The following REDIC1 variants were observed in gnomAD, a reference collection of about 807,000 sequenced individuals.
REDIC1 encodes HEI10 Interacting Protein 1.
the REDIC1 span, among the ~76,000 whole-genome samples, chr12:39,656,766 A>C: frequency 6.6e-6 from 1 of 152,176 alleles, no homozygotes; most frequent in African/African-American, 2.4e-5. Flanking sequence ...GACCTAGGCT[A>C]ATGTATGTTT....
At chr12:39,750,593 C>A in the REDIC1 span, among the ~76,000 whole-genome samples, 1 of 152,108 alleles carries the variant, frequency 6.6e-6, no homozygotes, top group East Asian at 1.9e-4. Context: ...AAAAAGAGCC[C>A]GCATTGCCAA....
the REDIC1 span, among the ~76,000 whole-genome samples, chr12:39,877,708 A>C: frequency 6.6e-6 from 1 of 152,244 alleles, no homozygotes; most frequent in African/African-American, 2.4e-5. Context: ...ATGTTTACAG[A>C]AATAATATCA....
the REDIC1 span, among the ~76,000 whole-genome samples, chr12:39,901,288 C>T: frequency 6.6e-6 from 1 of 152,130 alleles, no homozygotes; most frequent in African/African-American, 2.4e-5. Context: ...TGGGCAAGGA[C>T]CTCATGTCTA....
chr12:39,778,221 A>T, the REDIC1 span, among the ~76,000 whole-genome samples: 1 of 152,190 alleles, frequency 6.6e-6, no homozygotes, highest in Non-Finnish European at 1.5e-5. Context: ...TACTCATTTT[A>T]TAGAGGGCAC....
chr12:39,810,274 T>G, the REDIC1 span, among the ~76,000 whole-genome samples: 1 of 152,242 alleles, frequency 6.6e-6, no homozygotes, highest in Non-Finnish European at 1.5e-5. Flanking sequence ...AAATTTATCT[T>G]TAAGAATTTC....
At chr12:39,788,779 A>G in the REDIC1 span, 1 of 152,156 alleles carries the variant, frequency 6.6e-6, no homozygotes, top group Non-Finnish European at 1.5e-5. Context: ...AATTAACAGA[A>G]TGCTGATTTG....
chr12:39,714,228 C>T, the REDIC1 span, among the ~76,000 whole-genome samples: 3 of 35,296 alleles, frequency 8.5e-5, no homozygotes, highest in African/African-American at 1.4e-4. Context: ...TATATGCATG[C>T]ATATATGTAT....
At chr12:39,896,362 A>ATGTATATGTG in the REDIC1 span, among the ~76,000 whole-genome samples, 1 of 139,642 alleles carries the variant, frequency 7.2e-6, no homozygotes, top group Admixed American at 7.2e-5. Flanking sequence ...GTATATGTGT[A>ATGTATATGTG]TATATGTATA....
the REDIC1 span, among the ~76,000 whole-genome samples, chr12:39,686,172 C>A: frequency 6.6e-6 from 1 of 152,216 alleles, no homozygotes; most frequent in Non-Finnish European, 1.5e-5. Context: ...CTTCTCATGG[C>A]TCCACTAGGC....
chr12:39,786,416 A>C, the REDIC1 span, among the ~76,000 whole-genome samples: 1 of 4,154 alleles, frequency 2.4e-4, no homozygotes, highest in Admixed American at 2.9e-3. Context: ...CTGTGAGTCC[A>C]GTTAAATCTC....
the REDIC1 span, chr12:39,716,771 A>G: frequency 1.9e-6 from 3 of 1,602,824 alleles, no homozygotes; most frequent in Non-Finnish European, 2.6e-6. Flanking sequence ...GATTCTGCAC[A>G]GAGTAGTCGG....
At chr12:39,700,252 G>C in the REDIC1 span, among the ~76,000 whole-genome samples, 1 of 152,212 alleles carries the variant, frequency 6.6e-6, no homozygotes, top group African/African-American at 2.4e-5. Context: ...TAAAGGAGCT[G>C]ATGGAGCTGA....
At chr12:39,899,459 G>T in the REDIC1 span, among the ~76,000 whole-genome samples, 1 of 152,050 alleles carries the variant, frequency 6.6e-6, no homozygotes, top group African/African-American at 2.4e-5. Context: ...TTTTTAAAGG[G>T]TTTTTTGTGT....
chr12:39,750,273 A>G, the REDIC1 span, among the ~76,000 whole-genome samples: 1 of 152,040 alleles, frequency 6.6e-6, no homozygotes, highest in Non-Finnish European at 1.5e-5. Flanking sequence ...ATACACCAAT[A>G]ACAGACAGAG....
the REDIC1 span, among the ~76,000 whole-genome samples, chr12:39,701,979 A>G: frequency 6.6e-6 from 1 of 152,334 alleles, no homozygotes; most frequent in African/African-American, 2.4e-5. Context: ...TGCCCACAAG[A>G]GAAAGCAGGA....
chr12:39,737,571 T>G, the REDIC1 span, among the ~76,000 whole-genome samples: 1 of 152,188 alleles, frequency 6.6e-6, no homozygotes, highest in Non-Finnish European at 1.5e-5. Flanking sequence ...ATAATCTCCT[T>G]TAATCTCTAC....
At chr12:39,712,781 A>T in the REDIC1 span, among the ~76,000 whole-genome samples, 1 of 141,484 alleles carries the variant, frequency 7.1e-6, no homozygotes, top group Non-Finnish European at 1.6e-5. Context: ...ATACATGTGT[A>T]TATACGTATA....
the REDIC1 span, among the ~76,000 whole-genome samples, chr12:39,747,801 C>G: frequency 6.6e-6 from 1 of 152,130 alleles, no homozygotes; most frequent in South Asian, 2.1e-4. Context: ...GAATTTTCAA[C>G]CCAGAATTTC....
At chr12:39,714,269 G>GCA in the REDIC1 span, among the ~76,000 whole-genome samples, 2 of 111,376 alleles carry the variant, frequency 1.8e-5, 1 homozygote, top group African/African-American at 5.8e-5. Flanking sequence ...ATGCATATAT[G>GCA]TATATATGTA....
Sources: gnomAD v4.1 joint callset for allele counts (sites outside exome capture counted in the v4.1 genomes callset) on GRCh38, gnomAD v4.1.1 for gene constraint, MANE v1.5 for transcripts, NCBI Gene and HGNC (gene_info 2026-07-23, HGNC 2026-07-21) for gene names.